Variants in OXR1 observed in about 807,000 individuals in gnomAD.
OXR1 encodes the protein oxidation resistance protein 1.
In OXR1, 41 loss-of-function variants were observed where a neutral mutation model predicts 104.6. The ratio of observed to expected loss-of-function variants is 0.39; its 90% confidence interval spans 0.31 to 0.51. The LOEUF (loss-of-function observed/expected upper bound fraction) is 0.51. Ranked by LOEUF, OXR1 falls within the 20% of genes least tolerant of loss-of-function variation. The pLI, the probability that OXR1 is intolerant of heterozygous loss-of-function variation, is 0.77. For missense variants in OXR1, 955 were observed against 1,031.9 expected, an observed-to-expected ratio of 0.93 and a Z score of 1.02; for synonymous variants, 348 against 348.4, an observed-to-expected ratio of 1.00 and a Z score of 0.01.
At chr8:106,586,105 T>A (rs1204858296) in intron 3 of OXR1, among the ~76,000 whole-genome samples, 1 of 152,150 alleles carries the variant, frequency 6.6e-6, no homozygotes, top group African/African-American at 2.4e-5. Context: ...TTGTTCTAAC[T>A]AGAACGTGGA....
chr8:106,491,267 T>C (rs761225691), intron 2 of OXR1, among the ~76,000 whole-genome samples: 3 of 152,214 alleles, frequency 2.0e-5, no homozygotes, highest in African/African-American at 4.8e-5. Context: ...TCTTTGTTCT[T>C]CCATGAGTAT....
At chr8:106,344,316 T>TTTTTTG (rs200113828) in intron 1 of OXR1, among the ~76,000 whole-genome samples, 10,139 of 151,776 alleles carry the variant, frequency 0.067, 359 homozygotes, top group Non-Finnish European at 0.073. Context: ...CTAGCCACCG[T>TTTTTTG]TTTTTGTTTT....
At chr8:106,690,039 A>T (rs776963) in intron 6 of OXR1, among the ~76,000 whole-genome samples, 1 of 150,484 alleles carries the variant, frequency 6.6e-6, no homozygotes, top group Non-Finnish European at 1.5e-5. Context: ...AAAATTAAAG[A>T]CACTAATATC....
At chr8:106,376,879 G>A (rs1429967531) in intron 2 of OXR1, among the ~76,000 whole-genome samples, 1 of 152,140 alleles carries the variant, frequency 6.6e-6, no homozygotes, top group African/African-American at 2.4e-5. Flanking sequence ...AGCCAGATGG[G>A]CTACCCATTA....
intron 2 of OXR1, chr8:106,447,904 C>A (rs1350143178): frequency 2.6e-6 from 4 of 1,509,922 alleles, no homozygotes; most frequent in Non-Finnish European, 3.5e-6. Context: ...GGGCTCCTGG[C>A]GGAGGTAGTG....
chr8:106,707,390 C>T (rs929970395), intron 9 of OXR1: 5 of 616,720 alleles, frequency 8.1e-6, no homozygotes, highest in African/African-American at 3.7e-5. Flanking sequence ...ATTCTTGGCT[C>T]ACTACATCGT....
At chr8:106,637,707 C>G (rs1459518228) in intron 3 of OXR1, among the ~76,000 whole-genome samples, 1 of 150,706 alleles carries the variant, frequency 6.6e-6, no homozygotes, top group African/African-American at 2.4e-5. Context: ...TAGCTCCTAT[C>G]AAATCAGAAT....
chr8:106,455,396 A>G (rs1213778127), intron 2 of OXR1, among the ~76,000 whole-genome samples: 1 of 152,230 alleles, frequency 6.6e-6, no homozygotes, highest in Non-Finnish European at 1.5e-5. Flanking sequence ...TAAGACAACT[A>G]AAAGCAATTA....
intron 3 of OXR1, among the ~76,000 whole-genome samples, chr8:106,596,498 C>T (rs955188776): frequency 6.6e-6 from 1 of 152,004 alleles, no homozygotes; most frequent in Non-Finnish European, 1.5e-5. Context: ...GCTTACAATC[C>T]AGTACTAATA....
At position 106,641,474 on chromosome 8, in the gene OXR1, T is replaced by C. The variant is rs200157188; in HGVS notation, c.221-37736T>C. Among the ~76,000 whole-genome samples the C allele has an allele frequency of 2.6e-5, 4 of 152,300 alleles. No individual in the cohort carries two copies. In the East Asian group the frequency reaches 7.7e-4, roughly 29 times the overall value. ...GTGTTAAAGAATATTGAATATTGTG[T>C]CTAGATACAGGATGAAATAAGGCTT... On this transcript the variant is annotated intron_variant, in intron 3 of 16. Coordinates refer to ENST00000517566, the MANE Select transcript of OXR1 (RefSeq NM_001198533.2).
chr8:106,448,069 T>C (rs1031912816), intron 2 of OXR1: 1 of 1,535,646 alleles, frequency 6.5e-7, no homozygotes, highest in Admixed American at 2.0e-5. Flanking sequence ...TCTATCAGCC[T>C]CCATCTGTTG....
At chr8:106,708,087 C>G (rs1831321998) in intron 9 of OXR1, among the ~76,000 whole-genome samples, 1 of 152,076 alleles carries the variant, frequency 6.6e-6, no homozygotes. Context: ...AACTGAAACT[C>G]TGTACCCCTT....
intron 2 of OXR1, among the ~76,000 whole-genome samples, chr8:106,491,318 C>T (rs1426371114): frequency 6.6e-6 from 1 of 152,192 alleles, no homozygotes; most frequent in East Asian, 1.9e-4. Flanking sequence ...TTTCATTTAA[C>T]ACACCTGTAA....
chr8:106,594,561 G>A (rs1169717636), intron 3 of OXR1, among the ~76,000 whole-genome samples: 1 of 152,082 alleles, frequency 6.6e-6, no homozygotes, highest in Non-Finnish European at 1.5e-5. Flanking sequence ...AGACCTCCTA[G>A]TGTTCTCATC....
intron 2 of OXR1, among the ~76,000 whole-genome samples, chr8:106,482,784 A>G (rs571546216): frequency 3.9e-5 from 6 of 152,142 alleles, no homozygotes; most frequent in East Asian, 1.9e-4. Flanking sequence ...AGTATGGACC[A>G]TCTGTTCCAG....
intron 3 of OXR1, among the ~76,000 whole-genome samples, chr8:106,653,050 T>C (rs1416132440): frequency 7.2e-6 from 1 of 139,178 alleles, no homozygotes; most frequent in Admixed American, 7.3e-5. Context: ...CTACCAAAAC[T>C]GACTGACACA....
chr8:106,536,888 C>A (rs1198849707), intron 3 of OXR1, among the ~76,000 whole-genome samples: 1 of 152,168 alleles, frequency 6.6e-6, no homozygotes, highest in Non-Finnish European at 1.5e-5. Context: ...ATTCAATCCT[C>A]ATGAGAATTC....
intron 2 of OXR1, among the ~76,000 whole-genome samples, chr8:106,437,264 G>A (rs1819617529): frequency 6.6e-6 from 1 of 152,186 alleles, no homozygotes; most frequent in Non-Finnish European, 1.5e-5. Context: ...TCAATGTACA[G>A]GTAAATACTA....
intron 3 of OXR1, among the ~76,000 whole-genome samples, chr8:106,612,123 C>T (rs924389912): frequency 6.6e-6 from 1 of 151,448 alleles, no homozygotes; most frequent in Admixed American, 6.6e-5. Flanking sequence ...TTGAGCTTTG[C>T]TTTTTCCCTT....
Sources: allele counts gnomAD v4.1 joint callset (sites outside exome capture counted in the v4.1 genomes callset), GRCh38; gene constraint gnomAD v4.1.1; transcripts MANE v1.5; gene names NCBI Gene and HGNC (gene_info 2026-07-23, HGNC 2026-07-21).